LRP1B: variants seen among roughly 807,000 people sequenced by gnomAD.
The protein encoded by LRP1B is low-density lipoprotein receptor-related protein 1B.
A neutral mutation model predicts 556.6 loss-of-function variants in LRP1B; 217 were observed. That is an observed-to-expected ratio of 0.39 (90% CI 0.35 to 0.44). The LOEUF (loss-of-function observed/expected upper bound fraction) is 0.44. Among genes scored for constraint, LRP1B ranks in the 20% least tolerant of loss-of-function variants. The pLI is 1.00. For missense variants in LRP1B, 5,053 were observed against 5,620.8 expected (o/e 0.90, Z 3.23); for synonymous variants, 2,047 against 1,865.8 (o/e 1.10, Z -2.50).
intron 7 of LRP1B, among the ~76,000 whole-genome samples, chr2:141,161,711 A>G (rs13025185): frequency 6.6e-6 from 1 of 151,894 alleles, no homozygotes; most frequent in Admixed American, 6.6e-5. Flanking sequence ...AATAAAGATA[A>G]TGCTTCCCTT....
At chr2:142,103,921 T>C (rs894345053) in intron 1 of LRP1B, among the ~76,000 whole-genome samples, 2 of 152,128 alleles carry the variant, frequency 1.3e-5, no homozygotes, top group African/African-American at 4.8e-5. Context: ...GTGTAAAACC[T>C]TCCTCACAAG....
intron 35 of LRP1B, among the ~76,000 whole-genome samples, chr2:140,740,366 AC>A (rs1476680989): frequency 6.6e-6 from 1 of 152,196 alleles, no homozygotes; most frequent in Non-Finnish European, 1.5e-5. Context: ...ATTCACAGTG[AC>A]CTGGATGAGA....
intron 35 of LRP1B, among the ~76,000 whole-genome samples, chr2:140,732,239 T>C (rs924545589): frequency 2.0e-5 from 3 of 152,084 alleles, no homozygotes; most frequent in African/African-American, 7.2e-5. Flanking sequence ...CTCCACCAGA[T>C]TGAAAGGAAG....
intron 87 of LRP1B, among the ~76,000 whole-genome samples, chr2:140,241,271 C>T (rs534208079): frequency 6.6e-6 from 1 of 150,774 alleles, no homozygotes; most frequent in Admixed American, 6.6e-5. Context: ...AACACTTGTT[C>T]ACAAGTTTTA....
At chr2:140,361,359 T>TAC (rs1682500020) in intron 72 of LRP1B, among the ~76,000 whole-genome samples, 2 of 123,062 alleles carry the variant, frequency 1.6e-5, no homozygotes, top group African/African-American at 5.9e-5. Flanking sequence ...TATATATATA[T>TAC]ATATATATAT....
At chr2:140,599,816 G>T (rs1176457687) in intron 42 of LRP1B, among the ~76,000 whole-genome samples, 1 of 151,972 alleles carries the variant, frequency 6.6e-6, no homozygotes, top group African/African-American at 2.4e-5. Flanking sequence ...AAACAGAACG[G>T]CCCAGAGAGC....
chr2:140,719,008 C>T (rs1179183931), intron 35 of LRP1B, among the ~76,000 whole-genome samples: 2 of 152,174 alleles, frequency 1.3e-5, no homozygotes, highest in East Asian at 1.9e-4. Flanking sequence ...TATTTTCCTC[C>T]GTAGCACTTA....
intron 84 of LRP1B, among the ~76,000 whole-genome samples, chr2:140,277,610 CTAAA>C (rs1057311158): frequency 5.9e-5 from 9 of 151,372 alleles, no homozygotes; most frequent in African/African-American, 2.2e-4. Context: ...AACTCTATCT[CTAAA>C]TAAATAAATA....
intron 82 of LRP1B, among the ~76,000 whole-genome samples, chr2:140,317,350 A>C (rs1684568944): frequency 6.6e-6 from 1 of 152,132 alleles, no homozygotes; most frequent in Admixed American, 6.6e-5. Context: ...GTAATGTGGG[A>C]TGAATAAATG....
At chr2:140,379,439 T>C (rs1173988398) in intron 67 of LRP1B, among the ~76,000 whole-genome samples, 1 of 152,156 alleles carries the variant, frequency 6.6e-6, no homozygotes, top group African/African-American at 2.4e-5. Context: ...CTCACGCCTG[T>C]AATCTCAGCA....
chr2:141,242,645 G>A (rs964243384), intron 5 of LRP1B, among the ~76,000 whole-genome samples: 2 of 151,914 alleles, frequency 1.3e-5, no homozygotes, highest in Non-Finnish European at 2.9e-5. Context: ...ATTACTCCGC[G>A]GCAAAGAGGT....
At chr2:140,274,977 C>T (rs2104953731) in intron 84 of LRP1B, among the ~76,000 whole-genome samples, 1 of 152,100 alleles carries the variant, frequency 6.6e-6, no homozygotes, top group Non-Finnish European at 1.5e-5. Flanking sequence ...GCCTCCTTCA[C>T]ACCTCTTTTC....
At position 141,251,228 on chromosome 2, in the gene LRP1B, A is replaced by G. The variant is rs1421692921; in HGVS notation, c.463+3294T>C. Among the ~76,000 whole-genome samples, 3 of 152,294 alleles carry G rather than the reference A, an allele frequency of 2.0e-5. No homozygotes were observed. In the East Asian group the frequency reaches 5.8e-4, roughly 29 times the overall value. On this transcript the variant is annotated intron_variant, in intron 4 of 90. Coordinates refer to ENST00000389484, the MANE Select transcript of LRP1B (RefSeq NM_018557.3). ...GCAGATATGCTGAGAAGCCTCTAAC[A>G]GTCCTTTGAAAATAAAAGTGAGTGT...
chr2:141,400,672 T>C (rs1690418191), intron 3 of LRP1B, among the ~76,000 whole-genome samples: 1 of 152,224 alleles, frequency 6.6e-6, no homozygotes, highest in Non-Finnish European at 1.5e-5. Context: ...TTCCTTAATA[T>C]GGTCCATTTA....
chr2:141,695,041 C>T (rs144879216), intron 2 of LRP1B, among the ~76,000 whole-genome samples: 1 of 152,090 alleles, frequency 6.6e-6, no homozygotes, highest in Non-Finnish European at 1.5e-5. Flanking sequence ...TTATTTCATG[C>T]CAGCATTGCC....
At chr2:140,623,956 G>GTATATATATATATATA (rs3060390) in intron 41 of LRP1B, among the ~76,000 whole-genome samples, 1,546 of 106,364 alleles carry the variant, frequency 0.015, 110 homozygotes, top group Middle Eastern at 0.037. Flanking sequence ...TTTTATTTAT[G>GTATATATATATATATA]TATATATATA....
intron 3 of LRP1B, among the ~76,000 whole-genome samples, chr2:141,309,606 GA>G (rs1347792062): frequency 2.6e-5 from 4 of 152,146 alleles, no homozygotes; most frequent in Admixed American, 6.5e-5. Flanking sequence ...TATGAAAGAT[GA>G]TAGTTCTAGA....
intron 13 of LRP1B, 65 bp downstream of exon 13, chr2:141,015,631 A>G (rs1321819640): frequency 2.4e-6 from 3 of 1,275,394 alleles, no homozygotes; most frequent in Non-Finnish European, 3.3e-6. Flanking sequence ...TTTTTAACAC[A>G]ACACAACAAG....
At chr2:140,444,478 A>G (rs2105304527) in intron 64 of LRP1B, 29 bp from the exon 65 acceptor site, 1 of 1,612,856 alleles carries the variant, frequency 6.2e-7, no homozygotes, top group Non-Finnish European at 8.5e-7. Flanking sequence ...GAGAGAGAGA[A>G]AATTTGTGTC....
Sources: gnomAD v4.1 joint callset for allele counts (sites outside exome capture counted in the v4.1 genomes callset) on GRCh38, gnomAD v4.1.1 for gene constraint, MANE v1.5 for transcripts, NCBI Gene and HGNC (gene_info 2026-07-23, HGNC 2026-07-21) for gene names.